CCDC178: variants seen among roughly 807,000 people sequenced by gnomAD.
The protein encoded by CCDC178 is coiled-coil domain-containing protein 178.
A neutral mutation model predicts 117.4 loss-of-function variants in CCDC178; 126 were observed. That is an observed-to-expected ratio of 1.07 (90% confidence interval 0.93 to 1.24). CCDC178 has a LOEUF of 1.24. Ranked by LOEUF, CCDC178 falls within the 50% of genes most tolerant of loss-of-function variation. The pLI is 0.00. For missense variants in CCDC178, 1,030 were observed against 986.9 expected (o/e 1.04, Z -0.59); for synonymous variants, 283 against 313.4 (o/e 0.90, Z 1.02).
Position 32,951,111 on chromosome 18 carries a change from T to C in CCDC178, c.2524-13020A>G, listed in dbSNP as rs187544957. On this transcript the variant is annotated intron_variant, in intron 22 of 22. Transcript: ENST00000383096. ...TTTGCCAGGAGCAATTGTTTTACAATCTATTCATTAATTTATTCTTTTTTT... is the reference window on the plus strand; with the variant it reads ...TTTGCCAGGAGCAATTGTTTTACAACCTATTCATTAATTTATTCTTTTTTT... Among the ~76,000 whole-genome samples, 659 of 152,332 alleles carry C rather than the reference T, an allele frequency of 4.3e-3. 3 individuals are homozygous for C. The highest frequency in any genetic ancestry group is 7.4e-3 in the Non-Finnish European group (502 of 68,016).
intron 14 of CCDC178, among the ~76,000 whole-genome samples, chr18:33,255,775 T>G (rs1054498707): frequency 6.6e-6 from 1 of 151,876 alleles, no homozygotes; most frequent in African/African-American, 2.4e-5. Context: ...AGCAAGGGTA[T>G]AAATGGGCTG....
intron 20 of CCDC178, among the ~76,000 whole-genome samples, chr18:33,173,461 G>C (rs896944342): frequency 1.3e-5 from 2 of 152,254 alleles, no homozygotes; most frequent in African/African-American, 4.8e-5. Context: ...AAAACTACAG[G>C]TGCCACGGCT....
chr18:33,215,788 AC>A, intron 18 of CCDC178, 93 bp from the exon 19 acceptor site: 1 of 999,110 alleles, frequency 1.0e-6, no homozygotes, highest in Non-Finnish European at 1.4e-6. Flanking sequence ...TGTGTGAACA[AC>A]TAAAAGTTAA....
At position 33,102,008 on chromosome 18, in the gene CCDC178, T is replaced by A. The variant is rs531674110; in HGVS notation, c.2239-9098A>T. Among the ~76,000 whole-genome samples the A allele has an allele frequency of 9.2e-5, 14 of 152,028 alleles. No homozygotes were observed. The South Asian group carries it at 2.7e-3, about 29-fold the overall frequency. ...TTTTAGAAATCTGTTTGTTATGAGG[T>A]AATACATGCTGATTATATTATATAC... On this transcript the variant is annotated intron_variant, in intron 20 of 22. Coordinates refer to ENST00000383096, the MANE Select transcript of CCDC178 (RefSeq NM_001105528.4).
intron 2 of CCDC178, among the ~76,000 whole-genome samples, chr18:33,420,558 T>A (rs1395615173): frequency 1.3e-5 from 2 of 152,158 alleles, no homozygotes; most frequent in Admixed American, 1.3e-4. Context: ...TTTCGCCATG[T>A]TGGCTGGGCT....
At chr18:33,386,842 A>G (rs1387136918) in intron 5 of CCDC178, among the ~76,000 whole-genome samples, 1 of 152,188 alleles carries the variant, frequency 6.6e-6, no homozygotes, top group Non-Finnish European at 1.5e-5. Flanking sequence ...CTCTTATTCA[A>G]CATAGTGTTG....
intron 12 of CCDC178, among the ~76,000 whole-genome samples, chr18:33,281,984 T>C (rs1256412017): frequency 6.6e-6 from 1 of 152,040 alleles, no homozygotes; most frequent in Non-Finnish European, 1.5e-5. Flanking sequence ...GTGGAACAGC[T>C]CCCATGGAGG....
At chr18:33,043,478 T>C (rs1171157337) in intron 21 of CCDC178, among the ~76,000 whole-genome samples, 15 of 152,126 alleles carry the variant, frequency 9.9e-5, no homozygotes, top group Non-Finnish European at 1.2e-4. Flanking sequence ...TTTATGCTTC[T>C]GAAAAAGGCA....
At chr18:33,284,719 T>A (rs1379451479) in intron 12 of CCDC178, among the ~76,000 whole-genome samples, 1 of 152,150 alleles carries the variant, frequency 6.6e-6, no homozygotes, top group Non-Finnish European at 1.5e-5. Flanking sequence ...TCCCATCAGA[T>A]TTTCTGAGGG....
chr18:33,375,272 G>C (rs562442083), intron 5 of CCDC178, among the ~76,000 whole-genome samples: 43 of 152,184 alleles, frequency 2.8e-4, no homozygotes, highest in Non-Finnish European at 5.3e-4. Flanking sequence ...CTAGCTTCCT[G>C]TTCACCTATT....
chr18:33,415,430 T>C (rs971938647), intron 2 of CCDC178, among the ~76,000 whole-genome samples: 1 of 151,860 alleles, frequency 6.6e-6, no homozygotes, highest in African/African-American at 2.4e-5. Flanking sequence ...AACCCATCAG[T>C]CTCAGCAAAC....
chr18:33,377,187 T>C (rs943929846), intron 5 of CCDC178, among the ~76,000 whole-genome samples: 1 of 152,208 alleles, frequency 6.6e-6, no homozygotes, highest in Non-Finnish European at 1.5e-5. Context: ...TCATTTGCAT[T>C]TCTCTAATGA....
intron 21 of CCDC178, among the ~76,000 whole-genome samples, chr18:33,068,946 GA>G (rs2057064901): frequency 6.6e-6 from 1 of 151,942 alleles, no homozygotes; most frequent in African/African-American, 2.4e-5. Flanking sequence ...AAAACTCTAA[GA>G]ACTAATAAAT....
intron 4 of CCDC178, among the ~76,000 whole-genome samples, chr18:33,391,215 C>T (rs956283142): frequency 4.0e-5 from 6 of 149,596 alleles, no homozygotes; most frequent in African/African-American, 1.2e-4. Context: ...AAATCTAGAC[C>T]TTAAGCTCAA....
At chr18:33,240,991 A>G (rs1372496795) in intron 15 of CCDC178, among the ~76,000 whole-genome samples, 1 of 151,990 alleles carries the variant, frequency 6.6e-6, no homozygotes, top group Non-Finnish European at 1.5e-5. Context: ...TCAAAAAGAT[A>G]TTACACCATA....
intron 22 of CCDC178, among the ~76,000 whole-genome samples, chr18:32,949,398 C>G (rs994927430): frequency 2.0e-5 from 3 of 152,080 alleles, no homozygotes; most frequent in African/African-American, 7.2e-5. Flanking sequence ...TGACTGATGA[C>G]ATCTTACAGC....
At chr18:33,224,552 T>C (rs982984733) in intron 17 of CCDC178, among the ~76,000 whole-genome samples, 2 of 152,188 alleles carry the variant, frequency 1.3e-5, no homozygotes, top group Non-Finnish European at 2.9e-5. Flanking sequence ...ACTTGAAACC[T>C]GCTTTTCCCA....
chr18:33,333,410 T>G lies in CCDC178; in HGVS notation c.659-16A>C, dbSNP rs1280615444. The G allele has an allele frequency of 7.3e-7, 1 of 1,362,848 alleles. No individual in the cohort carries two copies. The highest frequency in any genetic ancestry group is 1.5e-5 in the African/African-American group (1 of 68,358). 84.4% of individuals were successfully genotyped at this position (1,362,848 alleles called of 1,614,324 possible). On this transcript the variant is annotated splice_polypyrimidine_tract_variant and intron_variant, in intron 9 of 22. Transcript: ENST00000383096. ...GCCTCATGTTCTAGATATAGAAGGA[T>G]AAGAACAAAAGAAAATCTGATTGGA... is the stretch of plus-strand genomic sequence containing the variant.
At chr18:32,938,257 G>A (rs1196302964) in intron 22 of CCDC178, 166 bp from the exon 23 acceptor site, 1 of 560,740 alleles carries the variant, frequency 1.8e-6, no homozygotes, top group South Asian at 2.5e-5. Flanking sequence ...CCCCAAGGAA[G>A]AGTGATTTCT....
Sources: gnomAD v4.1 joint callset for allele counts (sites outside exome capture counted in the v4.1 genomes callset) on GRCh38, gnomAD v4.1.1 for gene constraint, MANE v1.5 for transcripts, NCBI Gene and HGNC (gene_info 2026-07-23, HGNC 2026-07-21) for gene names.